Variants in LRRIQ1 observed in about 807,000 individuals in gnomAD.
LRRIQ1 encodes leucine rich repeats and IQ motif containing 1.
Under a neutral mutation model 211.9 loss-of-function variants are expected in LRRIQ1, and 210 were observed. That is an observed-to-expected ratio of 0.99 (90% CI 0.89 to 1.11). The LOEUF (loss-of-function observed/expected upper bound fraction) is 1.11. Ranked by LOEUF, LRRIQ1 falls within the 50% of genes most tolerant of loss-of-function variation. LRRIQ1 has a pLI of 0.00. For synonymous variants in LRRIQ1, 699 were observed against 650.1 expected (o/e 1.08, Z -1.14); for missense variants, 2,136 against 1,939.5 (o/e 1.10, Z -1.90).
At chr12:85,123,314 T>G (rs546381969) in intron 16 of LRRIQ1, among the ~76,000 whole-genome samples, 149 of 152,106 alleles carry the variant, frequency 9.8e-4, no homozygotes, top group African/African-American at 3.4e-3. Context: ...ATTAGGCAGC[T>G]TGTGGCAATA....
chr12:85,136,724 T>C (rs1889160586), intron 18 of LRRIQ1, among the ~76,000 whole-genome samples: 2 of 151,816 alleles, frequency 1.3e-5, no homozygotes, highest in South Asian at 4.1e-4. Context: ...AGAATGAAAA[T>C]ACCAATCTCA....
intron 15 of LRRIQ1, among the ~76,000 whole-genome samples, chr12:85,113,532 T>A (rs562994863): frequency 6.6e-6 from 1 of 152,274 alleles, no homozygotes; most frequent in African/African-American, 2.4e-5. Flanking sequence ...CCCTTGTATG[T>A]AATAGACACC....
chr12:85,230,825 G>C (rs1002943840), intron 25 of LRRIQ1, among the ~76,000 whole-genome samples: 2 of 151,418 alleles, frequency 1.3e-5, no homozygotes, highest in South Asian at 4.2e-4. Context: ...CGAGGCGGGC[G>C]GATCACGAGG....
intron 24 of LRRIQ1, among the ~76,000 whole-genome samples, chr12:85,223,716 A>T (rs1186325585): frequency 6.6e-6 from 1 of 152,184 alleles, no homozygotes; most frequent in East Asian, 1.9e-4. Flanking sequence ...AAAATCAACC[A>T]ATGGTCAGGA....
chr12:85,147,834 C>T lies in LRRIQ1; in HGVS notation c.4330-4446C>T, dbSNP rs186817609. ...TGTTGGTCATTGAATTCAAGTTGTC[C>T]CACCCAAAATGGGAATTATCAAGCC... On this transcript the variant is annotated intron_variant, in intron 19 of 26. Transcript: ENST00000393217. Among the ~76,000 whole-genome samples the T allele has an allele frequency of 2.6e-5, 4 of 151,596 alleles. No homozygotes were observed. The East Asian group carries it at 5.9e-4, about 22-fold the overall frequency.
At chr12:85,163,685 G>A (rs191813706) in intron 24 of LRRIQ1, among the ~76,000 whole-genome samples, 4 of 152,144 alleles carry the variant, frequency 2.6e-5, no homozygotes, top group Admixed American at 2.0e-4. Context: ...AGCAAGAAAG[G>A]ATGGTAGATA....
intron 11 of LRRIQ1, among the ~76,000 whole-genome samples, chr12:85,096,810 G>C (rs1885918075): frequency 6.6e-6 from 1 of 152,126 alleles, no homozygotes; most frequent in Non-Finnish European, 1.5e-5. Context: ...TGTAGGTCTA[G>C]AAGTACTCTT....
At chr12:85,057,958 G>C (rs1194255292) in intron 8 of LRRIQ1, among the ~76,000 whole-genome samples, 3 of 151,896 alleles carry the variant, frequency 2.0e-5, no homozygotes, top group Non-Finnish European at 4.4e-5. Context: ...AGATGCCTAG[G>C]AGAAAGAACA....
At chr12:85,093,566 C>A (rs543820271) in intron 11 of LRRIQ1, among the ~76,000 whole-genome samples, 1 of 152,214 alleles carries the variant, frequency 6.6e-6, no homozygotes, top group African/African-American at 2.4e-5. Context: ...AAGAGCCACT[C>A]CAAAGATTTA....
Position 85,052,267 on chromosome 12 carries a change from TTTTA to T in LRRIQ1, c.753+21_753+24del, listed in dbSNP as rs775146541. 3.0e-6 allele frequency: 4 copies of T among 1,322,888 alleles called. No individual in the cohort carries two copies. The highest frequency in any genetic ancestry group is 4.2e-6 in the Non-Finnish European group (4 of 944,068). The allele number at this position is 1,322,888 out of a possible 1,614,324, so 81.9% of individuals were successfully genotyped here. ...ACAGCATGAGGTATCTATTTGTTGT[TTTTA>T]TTTAGCACATTAAGCTTTCTTTATT... On this transcript the variant is annotated intron_variant, in intron 7 of 26. Transcript: ENST00000393217.
chr12:85,264,895 C>T (rs974529069), downstream of LRRIQ1, among the ~76,000 whole-genome samples: 11 of 152,022 alleles, frequency 7.2e-5, no homozygotes, highest in Non-Finnish European at 1.5e-4. Context: ...GTAAATACCC[C>T]ATCCCACTGA....
chr12:85,262,841 T>C, intron 1 of LRRIQ1: 1 of 750,970 alleles, frequency 1.3e-6, no homozygotes, highest in Non-Finnish European at 1.6e-6. Context: ...TTGACTTAAA[T>C]ATATTTCTTA....
At chr12:85,102,292 T>G (rs898706407) in intron 13 of LRRIQ1, among the ~76,000 whole-genome samples, 19 of 151,730 alleles carry the variant, frequency 1.3e-4, no homozygotes, top group African/African-American at 4.4e-4. Context: ...CCTTGACTTT[T>G]TTTTCCTTTT....
rs769008650 is a variant in LRRIQ1, at chr12:85,056,188, A to T, written c.1395A>T (p.Leu465Phe). The T allele has an allele frequency of 6.3e-6, 10 of 1,577,902 alleles. No homozygotes were observed. The highest frequency in any genetic ancestry group is 8.5e-6 in the Non-Finnish European group (10 of 1,170,012). The change falls in exon 8 of 27, where the codon TTA (leucine) becomes TTT (phenylalanine). Residue 465 changes from leucine to phenylalanine, a missense_variant. Leu to Phe is a conservative substitution (Grantham distance 22). Coordinates refer to ENST00000393217, the MANE Select transcript of LRRIQ1 (RefSeq NM_001079910.2). ...TAAAAGAATCAATACAAGTAAAGTT[A>T]AAAGAATCTATATCAAGCCAAACAA... Reference protein sequence around the residue: ...TILKESIQVKLKESISSQTIL... With the variant: ...TILKESIQVKFKESISSQTIL...
intron 24 of LRRIQ1, among the ~76,000 whole-genome samples, chr12:85,204,697 C>T (rs747580714): frequency 1.4e-5 from 2 of 145,252 alleles, no homozygotes; most frequent in Non-Finnish European, 3.0e-5. Context: ...CATTTTCTCC[C>T]ATTTGGAATG....
chr12:85,165,895 G>A (rs1375374302), intron 24 of LRRIQ1, among the ~76,000 whole-genome samples: 1 of 152,094 alleles, frequency 6.6e-6, no homozygotes, highest in Non-Finnish European at 1.5e-5. Context: ...CTAGTGCCGC[G>A]ATGTACATAC....
At position 85,101,388 on chromosome 12, in the gene LRRIQ1, T is replaced by G. The variant is rs376673103; in HGVS notation, c.3209+2394T>G. On this transcript the variant is annotated intron_variant, in intron 13 of 26. Transcript: ENST00000393217. The stretch of plus-strand genomic sequence containing the variant: ...CTAACTGGATGACTCTCTGGCTTTA[T>G]AAGCCTTTTTACTTCCAGTGAGACT... Among the ~76,000 whole-genome samples, 4 of 151,928 alleles carry G rather than the reference T, an allele frequency of 2.6e-5. No individual in the cohort carries two copies. In the East Asian group the frequency reaches 5.8e-4, roughly 22 times the overall value.
intron 24 of LRRIQ1, among the ~76,000 whole-genome samples, chr12:85,192,049 A>G (rs189404825): frequency 6.6e-6 from 1 of 151,744 alleles, no homozygotes; most frequent in African/African-American, 2.4e-5. Flanking sequence ...ACAAAGGTAA[A>G]TTGCGTGTCA....
At chr12:85,067,819 G>GA (rs1276845267) in intron 10 of LRRIQ1, among the ~76,000 whole-genome samples, 1 of 151,408 alleles carries the variant, frequency 6.6e-6, no homozygotes, top group Admixed American at 6.6e-5. Context: ...AAGAGAAAAT[G>GA]AAAAAAAAGA....
Sources: gnomAD v4.1 joint callset for allele counts (sites outside exome capture counted in the v4.1 genomes callset) on GRCh38, gnomAD v4.1.1 for gene constraint, MANE v1.5 for transcripts, NCBI Gene and HGNC (gene_info 2026-07-23, HGNC 2026-07-21) for gene names.